Variants in SCAI observed in about 807,000 individuals in gnomAD.
The protein encoded by SCAI is protein SCAI.
A neutral mutation model predicts 92.2 loss-of-function variants in SCAI; 24 were observed. The observed-to-expected ratio is 0.26, with a 90% confidence interval of 0.19 to 0.37. The LOEUF is 0.37. Ranked by LOEUF, SCAI falls within the 10% of genes least tolerant of loss-of-function variation. SCAI has a pLI of 1.00. For synonymous variants in SCAI, 261 were observed against 258.6 expected (o/e 1.01, Z -0.09); for missense variants, 450 against 736.2 (o/e 0.61, Z 4.50).
chr9:125,007,468 T>C (rs150075875), intron 9 of SCAI, among the ~76,000 whole-genome samples: 2 of 152,150 alleles, frequency 1.3e-5, no homozygotes, highest in East Asian at 2.0e-4. Context: ...GCAGAAGGAC[T>C]GCTTGAGGCC....
chr9:125,043,999 C>T (rs1326005286), intron 3 of SCAI, among the ~76,000 whole-genome samples: 1 of 152,088 alleles, frequency 6.6e-6, no homozygotes, highest in Non-Finnish European at 1.5e-5. Context: ...AAGCTCCCTG[C>T]CCCCACATGC....
Position 124,945,231 on chromosome 9 carries a change from C to T in SCAI, c.*7576G>A, listed in dbSNP as rs1162474700. Reference sequence around the variant, plus strand: ...TGTCCAAGTATGTTTAAACATGGCACTGGTTAAAGTAGTCTGATAACTATT... The same window carrying T: ...TGTCCAAGTATGTTTAAACATGGCATTGGTTAAAGTAGTCTGATAACTATT... On this transcript the variant is annotated 3_prime_UTR_variant, in exon 18 of 18. Coordinates refer to ENST00000336505, the MANE Select transcript of SCAI (RefSeq NM_001144877.3). The T allele has an allele frequency of 6.6e-6, 1 of 152,048 alleles. No individual in the cohort carries two copies. Among genetic ancestry groups the T allele is most frequent in the Non-Finnish European group, 1.5e-5 (1 of 68,012 alleles). 9.4% of individuals were successfully genotyped at this position (152,048 alleles called of 1,614,324 possible). A position where few individuals can be genotyped will look rare whatever the true frequency, so the allele number is the denominator to read the frequency against.
At chr9:125,073,092 A>ATTTTTTTTTTTTTTTTTTTTTTTTTTTT in intron 2 of SCAI, among the ~76,000 whole-genome samples, 1 of 72,448 alleles carries the variant, frequency 1.4e-5, no homozygotes. Context: ...TCTATTTTTA[A>ATTTTTTTTTTTTTTTTTTTTTTTTTTTT]TTTTTTTTTT....
At chr9:124,957,417 C>A (rs1831337422) in intron 17 of SCAI, among the ~76,000 whole-genome samples, 1 of 151,684 alleles carries the variant, frequency 6.6e-6, no homozygotes, top group African/African-American at 2.4e-5. Flanking sequence ...GGCTGGAGTG[C>A]AGTGGTGCAA....
At chr9:124,970,639 C>A (rs919378653) in intron 17 of SCAI, among the ~76,000 whole-genome samples, 1 of 151,868 alleles carries the variant, frequency 6.6e-6, no homozygotes, top group African/African-American at 2.4e-5. Flanking sequence ...AGGAGAATCA[C>A]TTGAACCCAG....
chr9:124,991,969 T>C (rs1038514548), intron 14 of SCAI, among the ~76,000 whole-genome samples: 5 of 152,252 alleles, frequency 3.3e-5, no homozygotes, highest in South Asian at 4.1e-4. Context: ...CAGGCTGGAA[T>C]GCAGTGGCAC....
intron 2 of SCAI, among the ~76,000 whole-genome samples, chr9:125,059,135 A>G (rs1447072883): frequency 6.6e-6 from 1 of 152,238 alleles, no homozygotes; most frequent in African/African-American, 2.4e-5. Context: ...CCTTGATCAA[A>G]TGATCAAAGT....
chr9:124,974,890 C>G (rs1284801511), intron 15 of SCAI, among the ~76,000 whole-genome samples: 1 of 152,170 alleles, frequency 6.6e-6, no homozygotes, highest in Non-Finnish European at 1.5e-5. Flanking sequence ...CAAGGTCACA[C>G]AGCAAGTAAG....
intron 3 of SCAI, among the ~76,000 whole-genome samples, chr9:125,034,576 CAAAAATA>C (rs774125510): frequency 3.9e-5 from 6 of 151,900 alleles, no homozygotes; most frequent in South Asian, 2.1e-4. Context: ...TCTCTACAAA[CAAAAATA>C]AAAAATAAAA....
intron 3 of SCAI, among the ~76,000 whole-genome samples, chr9:125,032,193 A>ATTTTTTT (rs766382699): frequency 7.0e-4 from 76 of 108,920 alleles, no homozygotes; most frequent in African/African-American, 2.2e-3. Flanking sequence ...ATATATATAT[A>ATTTTTTT]TATTTTTTTT....
chr9:124,953,176 T>C (rs1051356568), intron 17 of SCAI, among the ~76,000 whole-genome samples: 2 of 152,212 alleles, frequency 1.3e-5, no homozygotes, highest in African/African-American at 4.8e-5. Flanking sequence ...AGTGAGTTAT[T>C]CCACAAATGT....
chr9:125,066,066 G>A, intron 2 of SCAI: 3 of 733,530 alleles, frequency 4.1e-6, no homozygotes, highest in Non-Finnish European at 5.0e-6. Context: ...ATACTGTATT[G>A]AATAAAGAAA....
rs200533755 is a variant in SCAI, at chr9:125,138,581, A to AT, written c.98+4051dup. ...AGGCACCTGCCACCACGTCCAGCTG[A>AT]TTTTTTTTGTTTTTAGTAGAGACGT... On this transcript the variant is annotated intron_variant, in intron 2 of 17. Transcript: ENST00000336505. 9.2e-3 allele frequency among the ~76,000 whole-genome samples: 1,402 copies of AT among 151,860 alleles called. 19 individuals carry two copies. Among genetic ancestry groups the AT allele is most frequent in the Non-Finnish European group, 0.013 (860 of 67,910 alleles).
At chr9:124,986,365 T>C (rs1831990376) in intron 14 of SCAI, among the ~76,000 whole-genome samples, 2 of 152,014 alleles carry the variant, frequency 1.3e-5, no homozygotes, top group African/African-American at 4.8e-5. Flanking sequence ...ACATGAAAAA[T>C]ACCATAACCA....
At chr9:125,066,726 T>C (rs1412089473) in intron 2 of SCAI, among the ~76,000 whole-genome samples, 3 of 152,230 alleles carry the variant, frequency 2.0e-5, no homozygotes, top group African/African-American at 7.2e-5. Flanking sequence ...GTGCTGGGAT[T>C]ACAGGCGTGA....
At chr9:125,002,298 G>A (rs975322330) in intron 11 of SCAI, among the ~76,000 whole-genome samples, 1 of 152,044 alleles carries the variant, frequency 6.6e-6, no homozygotes, top group Non-Finnish European at 1.5e-5. Context: ...AATATTCTCC[G>A]AAAACTTGAA....
chr9:124,986,010 G>A (rs112208499), intron 14 of SCAI, among the ~76,000 whole-genome samples: 97 of 151,414 alleles, frequency 6.4e-4, no homozygotes, highest in African/African-American at 2.2e-3. Flanking sequence ...GCAATGGAGT[G>A]TCCGGGCGCG....
chr9:125,124,540 G>A (rs1835222181), intron 2 of SCAI, among the ~76,000 whole-genome samples: 1 of 152,168 alleles, frequency 6.6e-6, no homozygotes, highest in Admixed American at 6.5e-5. Context: ...CCAGCTCAAG[G>A]AGTCAGGCAG....
intron 9 of SCAI, among the ~76,000 whole-genome samples, chr9:125,016,315 G>T (rs894817185): frequency 6.6e-6 from 1 of 150,646 alleles, no homozygotes; most frequent in African/African-American, 2.4e-5. Context: ...TTGAACCTGG[G>T]AGGCAGAAGT....
Sources: gnomAD v4.1 joint callset for allele counts (sites outside exome capture counted in the v4.1 genomes callset) on GRCh38, gnomAD v4.1.1 for gene constraint, MANE v1.5 for transcripts, NCBI Gene and HGNC (gene_info 2026-07-23, HGNC 2026-07-21) for gene names.